CSNK1A1: variants seen among roughly 807,000 people sequenced by gnomAD.
CSNK1A1 encodes casein kinase I isoform alpha.
A neutral mutation model predicts 46.1 loss-of-function variants in CSNK1A1; 7 were observed. That is an observed-to-expected ratio of 0.15 (90% confidence interval 0.09 to 0.29). CSNK1A1 has a LOEUF of 0.29. CSNK1A1 is among the 10% of genes least tolerant of loss of function. The pLI is 1.00. For synonymous variants in CSNK1A1, 137 were observed against 141.5 expected (o/e 0.97, Z 0.23); for missense variants, 96 against 417.1 (o/e 0.23, Z 6.71).
chr5:149,535,911 G>A (rs1440540258), intron 2 of CSNK1A1, among the ~76,000 whole-genome samples: 1 of 152,074 alleles, frequency 6.6e-6, no homozygotes, highest in Non-Finnish European at 1.5e-5. Flanking sequence ...CTCCCAACGT[G>A]CTGAGATTAC....
At chr5:149,546,788 C>G (rs1762496868) in intron 2 of CSNK1A1, among the ~76,000 whole-genome samples, 1 of 152,174 alleles carries the variant, frequency 6.6e-6, no homozygotes. Context: ...TAACTTTTAT[C>G]TAGCTAACAC....
At chr5:149,546,256 T>C (rs1353016833) in intron 2 of CSNK1A1, among the ~76,000 whole-genome samples, 3 of 152,006 alleles carry the variant, frequency 2.0e-5, no homozygotes, top group South Asian at 2.1e-4. Context: ...TCTCTCAAAT[T>C]ACACAGGAAG....
At chr5:149,518,379 A>T (rs1761460536) in intron 4 of CSNK1A1, among the ~76,000 whole-genome samples, 1 of 152,086 alleles carries the variant, frequency 6.6e-6, no homozygotes, top group South Asian at 2.1e-4. Context: ...CAAATTCAGA[A>T]CAATTTTCCA....
Position 149,493,743 on chromosome 5 carries a change from G to A in CSNK1A1, c.*3110C>T, listed in dbSNP as rs1392606315. 6.6e-6 allele frequency: 1 copy of A among 152,122 alleles called. No homozygotes were observed. Among genetic ancestry groups the A allele is most frequent in the Non-Finnish European group, 1.5e-5 (1 of 68,030 alleles). 9.4% of individuals were successfully genotyped at this position (152,122 alleles called of 1,614,324 possible). On this transcript the variant is annotated 3_prime_UTR_variant, in exon 10 of 10. Coordinates refer to ENST00000377843, the MANE Select transcript of CSNK1A1 (RefSeq NM_001892.6). ...TGCATTTAAAGTATAGTCTCACAAA[G>A]TCTCACTTAAGAGAGCAGCACACCC...
chr5:149,498,015 G>A, intron 9 of CSNK1A1: 1 of 709,786 alleles, frequency 1.4e-6, no homozygotes, highest in Non-Finnish European at 1.7e-6. Context: ...TGTATTTATA[G>A]TAGAGACACA....
At chr5:149,535,948 C>T (rs533699237) in intron 2 of CSNK1A1, among the ~76,000 whole-genome samples, 1 of 151,818 alleles carries the variant, frequency 6.6e-6, no homozygotes, top group African/African-American at 2.4e-5. Context: ...ACCCAGCCAC[C>T]AAATGGCTTT....
intron 2 of CSNK1A1, among the ~76,000 whole-genome samples, chr5:149,543,193 C>A (rs767348445): frequency 1.3e-5 from 2 of 152,054 alleles, no homozygotes; most frequent in Non-Finnish European, 2.9e-5. Flanking sequence ...TCAAATGAAA[C>A]GATGTGGAGT....
intron 9 of CSNK1A1, chr5:149,504,018 A>G: frequency 1.0e-6 from 1 of 985,432 alleles, no homozygotes; most frequent in Non-Finnish European, 1.2e-6. Flanking sequence ...AAATGGTAGG[A>G]CTGTTTTTCA....
At chr5:149,501,170 G>C in intron 9 of CSNK1A1, 4 of 985,370 alleles carry the variant, frequency 4.1e-6, no homozygotes, top group Non-Finnish European at 4.8e-6. Flanking sequence ...CAGTCTTGGA[G>C]ACATGGACTC....
intron 2 of CSNK1A1, among the ~76,000 whole-genome samples, chr5:149,535,067 G>A (rs1428395611): frequency 3.3e-5 from 5 of 152,064 alleles, no homozygotes; most frequent in African/African-American, 1.2e-4. Flanking sequence ...TTACTTTACT[G>A]AGCACCTGTT....
intron 2 of CSNK1A1, among the ~76,000 whole-genome samples, chr5:149,547,407 A>C (rs1031240505): frequency 1.3e-5 from 2 of 152,246 alleles, no homozygotes; most frequent in African/African-American, 4.8e-5. Context: ...AGATAAAAGG[A>C]CATGTACTGT....
intron 3 of CSNK1A1, among the ~76,000 whole-genome samples, chr5:149,522,476 T>G (rs1208937748): frequency 6.6e-6 from 1 of 152,226 alleles, no homozygotes; most frequent in African/African-American, 2.4e-5. Context: ...ATCCAAAGAC[T>G]GCCAACATTA....
chr5:149,540,451 A>T (rs556158320), intron 2 of CSNK1A1, among the ~76,000 whole-genome samples: 1 of 152,170 alleles, frequency 6.6e-6, no homozygotes, highest in Non-Finnish European at 1.5e-5. Context: ...AAAGATCTCA[A>T]TTATCACTGA....
chr5:149,531,460 G>A (rs1761894055), intron 2 of CSNK1A1, among the ~76,000 whole-genome samples: 1 of 151,900 alleles, frequency 6.6e-6, no homozygotes, highest in Non-Finnish European at 1.5e-5. Context: ...CGAGGTTGCA[G>A]TGAGCCGAGA....
intron 5 of CSNK1A1, among the ~76,000 whole-genome samples, chr5:149,512,188 G>A (rs918011732): frequency 4.6e-5 from 7 of 151,468 alleles, no homozygotes; most frequent in African/African-American, 1.5e-4. Flanking sequence ...TCTATGTTTT[G>A]CAGAAACTCA....
intron 8 of CSNK1A1, 101 bp downstream of exon 8, chr5:149,506,926 A>T: frequency 1.2e-6 from 1 of 851,522 alleles, no homozygotes; most frequent in Non-Finnish European, 1.8e-6. Flanking sequence ...CATGTTAGCT[A>T]GATCTGCTTT....
At chr5:149,542,652 A>ATGTGTG (rs1561772648) in intron 2 of CSNK1A1, among the ~76,000 whole-genome samples, 1 of 6,356 alleles carries the variant, frequency 1.6e-4, no homozygotes, top group African/African-American at 1.1e-3. Context: ...ATATATATAT[A>ATGTGTG]TATATATATA....
intron 6 of CSNK1A1, 89 bp from the exon 7 acceptor site, chr5:149,510,042 C>T (rs1054700436): frequency 1.9e-5 from 15 of 776,366 alleles, no homozygotes; most frequent in African/African-American, 1.8e-4. Context: ...TAAACATATA[C>T]CTGTGAGATT....
At chr5:149,534,580 A>C (rs1762003895) in intron 2 of CSNK1A1, among the ~76,000 whole-genome samples, 1 of 151,722 alleles carries the variant, frequency 6.6e-6, no homozygotes, top group Non-Finnish European at 1.5e-5. Flanking sequence ...TTAGCTTCTT[A>C]AATATTCTCC....
Sources: gnomAD v4.1 joint callset for allele counts (sites outside exome capture counted in the v4.1 genomes callset) on GRCh38, gnomAD v4.1.1 for gene constraint, MANE v1.5 for transcripts, NCBI Gene and HGNC (gene_info 2026-07-23, HGNC 2026-07-21) for gene names.